Variants in INTS9 observed in about 807,000 individuals in gnomAD.
The protein encoded by INTS9 is protein related to CPSF subunits of 74 kDa.
A neutral mutation model predicts 79.7 loss-of-function variants in INTS9; 55 were observed. That is an observed-to-expected ratio of 0.69 (90% CI 0.56 to 0.86). INTS9 has a LOEUF of 0.86. Ranked by LOEUF, INTS9 falls within the 40% of genes least tolerant of loss-of-function variation. INTS9 has a pLI of 0.00. For missense variants in INTS9, 721 were observed against 831.5 expected (o/e 0.87, Z 1.64); for synonymous variants, 319 against 325.2 (o/e 0.98, Z 0.20).
At chr8:28,880,654 T>G (rs1809690482) in intron 1 of INTS9, among the ~76,000 whole-genome samples, 1 of 148,000 alleles carries the variant, frequency 6.8e-6, no homozygotes. Flanking sequence ...AGAGCCGAGA[T>G]TGCAGCCTCT....
In INTS9 at chr8:28,862,647, G is replaced by A. The variant is rs578050063; in HGVS notation, c.10-3084C>T. On this transcript the variant is annotated intron_variant, in intron 1 of 16. Coordinates refer to ENST00000521022, the MANE Select transcript of INTS9 (RefSeq NM_018250.4). ...GCCAAAATGCTTTCCAAAAAGGACTGTACTTATTTACAATGTCATTGGTAA... is the reference window on the plus strand; with the variant it reads ...GCCAAAATGCTTTCCAAAAAGGACTATACTTATTTACAATGTCATTGGTAA... Among the ~76,000 whole-genome samples the A allele has an allele frequency of 3.9e-5, 6 of 152,242 alleles. No homozygotes were observed. In the South Asian group the frequency reaches 1.2e-3, roughly 32 times the overall value.
intron 6 of INTS9, among the ~76,000 whole-genome samples, chr8:28,820,919 A>G (rs1193093013): frequency 2.0e-5 from 3 of 152,202 alleles, no homozygotes; most frequent in Non-Finnish European, 4.4e-5. Flanking sequence ...AAAAGTGTAA[A>G]AAAAAAGTGG....
chr8:28,781,884 T>G (rs147640540), intron 11 of INTS9, among the ~76,000 whole-genome samples: 1 of 152,022 alleles, frequency 6.6e-6, no homozygotes, highest in African/African-American at 2.4e-5. Flanking sequence ...TTCAAAACCA[T>G]AGAAAGCACA....
intron 1 of INTS9, among the ~76,000 whole-genome samples, chr8:28,866,381 T>C (rs893527801): frequency 1.3e-5 from 2 of 152,106 alleles, no homozygotes; most frequent in African/African-American, 4.8e-5. Flanking sequence ...ATGTCACCAT[T>C]TTGAGACCAT....
intron 6 of INTS9, among the ~76,000 whole-genome samples, chr8:28,827,228 T>C (rs571161767): frequency 6.6e-6 from 1 of 152,218 alleles, no homozygotes; most frequent in Non-Finnish European, 1.5e-5. Flanking sequence ...TTCTAAAGGA[T>C]TTCATTGTTT....
At chr8:28,787,491 A>G (rs1352844051) in intron 11 of INTS9, among the ~76,000 whole-genome samples, 1 of 152,194 alleles carries the variant, frequency 6.6e-6, no homozygotes, top group Non-Finnish European at 1.5e-5. Context: ...GGGCACCAAC[A>G]TGATGCTCAA....
At chr8:28,817,555 T>C (rs1160105208) in intron 6 of INTS9, among the ~76,000 whole-genome samples, 2 of 152,246 alleles carry the variant, frequency 1.3e-5, no homozygotes, top group East Asian at 1.9e-4. Context: ...TTGGTTACTG[T>C]AGCCTTGCAG....
At chr8:28,867,095 T>C (rs1808795945) in intron 1 of INTS9, among the ~76,000 whole-genome samples, 1 of 152,092 alleles carries the variant, frequency 6.6e-6, no homozygotes, top group Non-Finnish European at 1.5e-5. Flanking sequence ...GAGACCTGCC[T>C]GGGCAACATG....
At chr8:28,834,150 C>T (rs949370041) in intron 6 of INTS9, among the ~76,000 whole-genome samples, 17 of 152,170 alleles carry the variant, frequency 1.1e-4, no homozygotes, top group Non-Finnish European at 8.8e-5. Flanking sequence ...AATTCTATCT[C>T]AGAAATTCAT....
intron 3 of INTS9, among the ~76,000 whole-genome samples, chr8:28,848,093 C>T (rs1186227489): frequency 6.6e-6 from 1 of 152,216 alleles, no homozygotes; most frequent in Non-Finnish European, 1.5e-5. Context: ...GCCACTAATG[C>T]TTTCTCCTCT....
Position 28,775,643 on chromosome 8 carries a change from C to T in INTS9, c.1563+116G>A, listed in dbSNP as rs774410638. ...CTGGGATTATAGGCGTGAGCTACTG[C>T]GCGCAGCCTGGTTCATTTATACTTG... On this transcript the variant is annotated intron_variant, in intron 14 of 16. Coordinates refer to ENST00000521022, the MANE Select transcript of INTS9 (RefSeq NM_018250.4). 74 of 1,125,318 alleles carry T rather than the reference C, an allele frequency of 6.6e-5. No individual in the cohort carries two copies. The African/African-American group carries it at 7.2e-4, about 11-fold the overall frequency. 69.7% of individuals were successfully genotyped at this position (1,125,318 alleles called of 1,614,324 possible). A position where few individuals can be genotyped will look rare whatever the true frequency, so the allele number is the denominator to read the frequency against.
At chr8:28,783,158 AAAAAAAAAAAAG>A (rs1563248173) in intron 11 of INTS9, among the ~76,000 whole-genome samples, 2 of 107,516 alleles carry the variant, frequency 1.9e-5, no homozygotes, top group Non-Finnish European at 4.5e-5. Context: ...AAAAAAAAAA[AAAAAAAAAAAAG>A]AAGCAGGTGC....
chr8:28,880,127 CCACATGCTGG>C (rs1809621420), intron 1 of INTS9, among the ~76,000 whole-genome samples: 1 of 151,774 alleles, frequency 6.6e-6, no homozygotes, highest in South Asian at 2.1e-4. Flanking sequence ...ACCCATATTT[CCACATGCTGG>C]AAAAAAATAG....
chr8:28,803,013 G>A (rs928042122), intron 8 of INTS9, among the ~76,000 whole-genome samples: 3 of 152,044 alleles, frequency 2.0e-5, no homozygotes, highest in African/African-American at 7.2e-5. Context: ...TTGGGAGGCT[G>A]AGGTGGGAGG....
chr8:28,774,706 G>C (rs1802766415), intron 14 of INTS9, among the ~76,000 whole-genome samples: 1 of 152,272 alleles, frequency 6.6e-6, no homozygotes, highest in African/African-American at 2.4e-5. Flanking sequence ...AAAGAAGTTT[G>C]GGCACACTGG....
chr8:28,773,463 CAA>C (rs142334976), intron 14 of INTS9, among the ~76,000 whole-genome samples: 29,217 of 108,164 alleles, frequency 0.27, 3,000 homozygotes, highest in East Asian at 0.51. Context: ...GACTCCGTCT[CAA>C]AAAAAAAAAA....
intron 6 of INTS9, among the ~76,000 whole-genome samples, chr8:28,830,334 A>G (rs534115515): frequency 6.6e-6 from 1 of 152,302 alleles, no homozygotes; most frequent in African/African-American, 2.4e-5. Flanking sequence ...TGCCAATTAA[A>G]GAATAAATAG....
At chr8:28,788,594 T>G (rs1480693912) in intron 10 of INTS9, among the ~76,000 whole-genome samples, 3 of 152,180 alleles carry the variant, frequency 2.0e-5, no homozygotes, top group Non-Finnish European at 4.4e-5. Flanking sequence ...AATTTTTGTA[T>G]TTTTAGTAGA....
intron 11 of INTS9, among the ~76,000 whole-genome samples, 163 bp from the exon 12 acceptor site, chr8:28,781,157 G>A (rs1391989757): frequency 6.6e-6 from 1 of 152,134 alleles, no homozygotes; most frequent in Non-Finnish European, 1.5e-5. Context: ...AGAGAGGACT[G>A]TGACCCAGAA....
Sources: gnomAD v4.1 joint callset for allele counts (sites outside exome capture counted in the v4.1 genomes callset) on GRCh38, gnomAD v4.1.1 for gene constraint, MANE v1.5 for transcripts, NCBI Gene and HGNC (gene_info 2026-07-23, HGNC 2026-07-21) for gene names.